Variants in WDFY4 observed in about 807,000 individuals in gnomAD.
WDFY4 encodes the protein WDFY family member 4.
WDFY4 carries 169 observed loss-of-function variants against 351.9 expected under a neutral mutation model. The ratio of observed to expected loss-of-function variants is 0.48; its 90% CI spans 0.42 to 0.55. The LOEUF is 0.55. Ranked by LOEUF, WDFY4 falls within the 20% of genes least tolerant of loss-of-function variation. WDFY4 has a pLI of 0.00. For synonymous variants in WDFY4, 1,622 were observed against 1,574.6 expected, an observed-to-expected ratio of 1.03 and a Z score of -0.71; for missense variants, 3,803 against 3,935.6, an observed-to-expected ratio of 0.97 and a Z score of 0.90.
At chr10:48,767,656 G>A (rs778677368) in intron 13 of WDFY4, among the ~76,000 whole-genome samples, 16 of 152,194 alleles carry the variant, frequency 1.1e-4, no homozygotes, top group South Asian at 2.1e-4. Flanking sequence ...CAGCTTGAGC[G>A]AGGGATCAGA....
chr10:48,791,719 C>A (rs193223439), intron 23 of WDFY4, among the ~76,000 whole-genome samples: 2 of 152,308 alleles, frequency 1.3e-5, no homozygotes, highest in East Asian at 3.9e-4. Context: ...GGAGTCTGGG[C>A]CATGTCACAG....
chr10:48,811,405 G>C, intron 29 of WDFY4, 134 bp from the exon 30 acceptor site: 1 of 732,112 alleles, frequency 1.4e-6, no homozygotes, highest in Non-Finnish European at 2.2e-6. Context: ...TCCCATCTAT[G>C]TGTGAATATA....
chr10:48,955,062 A>G (rs953923380), intron 51 of WDFY4, among the ~76,000 whole-genome samples: 15 of 152,234 alleles, frequency 9.9e-5, no homozygotes, highest in Non-Finnish European at 7.3e-5. Flanking sequence ...AAGCTGCAAA[A>G]GGGAAACAGG....
chr10:48,751,798 A>G (rs147529617), intron 12 of WDFY4, among the ~76,000 whole-genome samples: 1 of 152,294 alleles, frequency 6.6e-6, no homozygotes, highest in African/African-American at 2.4e-5. Flanking sequence ...TAAGCAAGAC[A>G]AGTACCAGGA....
At chr10:48,756,749 C>G (rs1197613288) in intron 12 of WDFY4, among the ~76,000 whole-genome samples, 1 of 151,996 alleles carries the variant, frequency 6.6e-6, no homozygotes, top group Non-Finnish European at 1.5e-5. Context: ...ATCATGTTGA[C>G]TGATTTTTGA....
intron 9 of WDFY4, 138 bp from the exon 10 acceptor site, chr10:48,733,793 C>T (rs1449529114): frequency 1.4e-6 from 1 of 720,328 alleles, no homozygotes; most frequent in Non-Finnish European, 2.3e-6. Flanking sequence ...TTCTATCTTA[C>T]TAATTGGGAT....
chr10:48,867,634 G>A (rs927281480), intron 40 of WDFY4, among the ~76,000 whole-genome samples: 111 of 152,262 alleles, frequency 7.3e-4, no homozygotes, highest in African/African-American at 2.1e-3. Flanking sequence ...CTATGCCAGT[G>A]GTCTGAGCCT....
intron 12 of WDFY4, among the ~76,000 whole-genome samples, chr10:48,756,157 A>G (rs1468165728): frequency 6.6e-6 from 1 of 152,036 alleles, no homozygotes; most frequent in Non-Finnish European, 1.5e-5. Flanking sequence ...TCCAACCCAT[A>G]AACATAGTGT....
At chr10:48,877,398 C>G (rs770986799) in intron 43 of WDFY4, among the ~76,000 whole-genome samples, 199 bp downstream of exon 43, 2 of 152,130 alleles carry the variant, frequency 1.3e-5, no homozygotes, top group Non-Finnish European at 2.9e-5. Context: ...AAAGGGAAGT[C>G]TATACATCCT....
intron 12 of WDFY4, among the ~76,000 whole-genome samples, chr10:48,746,569 ATTAT>A (rs1401949731): frequency 4.6e-5 from 7 of 152,094 alleles, no homozygotes; most frequent in Admixed American, 4.6e-4. Context: ...CGCTTTCATA[ATTAT>A]TAATATATTT....
At chr10:48,700,479 C>T (rs991208031) in intron 1 of WDFY4, among the ~76,000 whole-genome samples, 11 of 152,230 alleles carry the variant, frequency 7.2e-5, no homozygotes, top group South Asian at 2.1e-4. Context: ...CCTCCCTTCC[C>T]GGAACTAACC....
intron 2 of WDFY4, among the ~76,000 whole-genome samples, chr10:48,716,808 G>A (rs888116345): frequency 6.6e-6 from 1 of 152,218 alleles, no homozygotes; most frequent in Non-Finnish European, 1.5e-5. Context: ...TGTCAGTGCA[G>A]GGAGGAGTTG....
At chr10:48,795,043 T>C (rs549882130) in intron 23 of WDFY4, among the ~76,000 whole-genome samples, 5 of 152,124 alleles carry the variant, frequency 3.3e-5, no homozygotes, top group Admixed American at 3.3e-4. Flanking sequence ...GAGGAAGAGA[T>C]CCAGGGTTGG....
At chr10:48,802,401 T>A (rs555305595) in intron 24 of WDFY4, among the ~76,000 whole-genome samples, 1 of 152,242 alleles carries the variant, frequency 6.6e-6, no homozygotes, top group Admixed American at 6.5e-5. Flanking sequence ...TAATAATATT[T>A]TGGGTCTTTT....
At chr10:48,750,636 G>A (rs1235396120) in intron 12 of WDFY4, among the ~76,000 whole-genome samples, 1 of 152,204 alleles carries the variant, frequency 6.6e-6, no homozygotes, top group East Asian at 1.9e-4. Flanking sequence ...ATGATTAATT[G>A]TGTAATCTTC....
Position 48,727,476 on chromosome 10 carries a change from A to G in WDFY4, c.788A>G (p.Asp263Gly). 6.4e-7 allele frequency: 1 copy of G among 1,551,618 alleles called. No individual in the cohort carries two copies. The highest frequency in any genetic ancestry group is 8.7e-7 in the Non-Finnish European group (1 of 1,146,948). ...CTGTGCTTCCCTCCTGCAGCCACAGACTGTGTCAGGCTCTCCCTCCAGAAC... is the reference window on the plus strand; with the variant it reads ...CTGTGCTTCCCTCCTGCAGCCACAGGCTGTGTCAGGCTCTCCCTCCAGAAC... The part of the protein sequence containing the change: ...LSIIQYLQAT[D>G]CVRLSLQNLS... The change falls in exon 7 of 62, where the codon GAC becomes GGC. Residue 263 changes from aspartate to glycine, a missense_variant. By Grantham distance (94) the Asp-to-Gly change is moderately conservative. This residue lies in a region of WDFY4 where 488 missense variants were observed against 456.8 expected (regional missense o/e 1.07). Transcript: ENST00000325239.
Position 48,941,812 on chromosome 10 carries a change from C to T in WDFY4, c.7593C>T (p.Tyr2531=). 5.2e-6 allele frequency: 8 copies of T among 1,552,162 alleles called. No individual in the cohort carries two copies. Among genetic ancestry groups the T allele is most frequent in the Non-Finnish European group, 7.0e-6 (8 of 1,147,076 alleles). The part of the protein sequence containing the change: ...TSEDTLSLRR[Y]PGSDRIMLQK... ...TTGGTTTTCTGTCCCACAGGAGATA[C>T]CCCGGCTCTGACAGGATCATGCTGC... Residue 2531 remains tyrosine, a synonymous_variant, in exon 48 of 62, where the codon TAC becomes TAT. Coordinates refer to ENST00000325239, the MANE Select transcript of WDFY4 (RefSeq NM_001394531.1).
chr10:48,969,097 C>T lies in WDFY4; in HGVS notation c.8618C>T (p.Pro2873Leu). ...CTCTTTTCTCTAGGCTCAGAGTCCC[C>T]CAAAGGGGCCATTGGCCACATTGTC... is the stretch of plus-strand genomic sequence containing the variant. ...MYLFSLGSESPKGAIGHIVST... is the reference protein window; with the variant it reads ...MYLFSLGSESLKGAIGHIVST... Residue 2873 changes from proline to leucine, a missense_variant, in exon 56 of 62, where the codon CCC becomes CTC. This residue lies in a region of WDFY4 where 3,054 missense variants were observed against 3,148.6 expected (regional missense o/e 0.97). Coordinates refer to ENST00000325239, the MANE Select transcript of WDFY4 (RefSeq NM_001394531.1). 6.4e-7 allele frequency: 1 copy of T among 1,551,744 alleles called. No homozygotes were observed. The highest frequency in any genetic ancestry group is 8.7e-7 in the Non-Finnish European group (1 of 1,146,958).
rs978706042 is a variant in WDFY4 at position 48,821,098 on chromosome 10, G to A, written c.5746G>A (p.Asp1916Asn). 4.5e-6 allele frequency: 7 copies of A among 1,551,728 alleles called. No homozygotes were observed. The highest frequency in any genetic ancestry group is 6.1e-6 in the Non-Finnish European group (7 of 1,146,988). ...PDHATSQQKR[D>N]FQSEVLLSAM... ...CCACGCCACCAGCCAACAGAAGCGA[G>A]ACTTCCAGTCCGAGGTCCTGCTTTC... The change falls in exon 34 of 62, where the codon GAC becomes AAC. Residue 1916 changes from aspartate (D) to asparagine (N), a missense_variant. Coordinates refer to ENST00000325239, the MANE Select transcript of WDFY4 (RefSeq NM_001394531.1).
Sources: gnomAD v4.1 joint callset for allele counts (sites outside exome capture counted in the v4.1 genomes callset) on GRCh38, gnomAD v4.1.1 for gene constraint, gnomAD v4.1.1 regional missense constraint, MANE v1.5 for transcripts, NCBI Gene and HGNC (gene_info 2026-07-23, HGNC 2026-07-21) for gene names.